VDAC1: variants seen among roughly 807,000 people sequenced by gnomAD.
VDAC1 encodes the protein voltage dependent anion channel 1.
Under a neutral mutation model 34.7 loss-of-function variants are expected in VDAC1, and 10 were observed. The ratio of observed to expected loss-of-function variants is 0.29; its 90% CI spans 0.18 to 0.49. The LOEUF (loss-of-function observed/expected upper bound fraction) is 0.49, where lower values mean the gene tolerates loss of function less well. Ranked by LOEUF, VDAC1 falls within the 20% of genes least tolerant of loss-of-function variation. The pLI, the probability that VDAC1 is intolerant of heterozygous loss-of-function variation, is 0.99. For synonymous variants in VDAC1, 130 were observed against 136.0 expected (o/e 0.96, Z 0.30); for missense variants, 230 against 347.9 (o/e 0.66, Z 2.69).
At chr5:134,049,131 C>A in the VDAC1 span, among the ~76,000 whole-genome samples, 7 of 152,186 alleles carry the variant, frequency 4.6e-5, no homozygotes, top group African/African-American at 1.7e-4. Context: ...ATGGGTAGCA[C>A]TGGGTTTCTA....
intron 1 of VDAC1, among the ~76,000 whole-genome samples, chr5:133,993,402 T>C (rs1753179273): frequency 6.6e-6 from 1 of 152,190 alleles, no homozygotes; most frequent in African/African-American, 2.4e-5. Context: ...ATAAAACATA[T>C]CATCTTACAA....
At chr5:133,982,676 G>C (rs1423415912) in intron 5 of VDAC1, among the ~76,000 whole-genome samples, 2 of 152,126 alleles carry the variant, frequency 1.3e-5, no homozygotes, top group Non-Finnish European at 1.5e-5. Flanking sequence ...GATCACCTGA[G>C]GTCAGGAGTT....
At chr5:134,061,673 C>T in the VDAC1 span, among the ~76,000 whole-genome samples, 3 of 151,594 alleles carry the variant, frequency 2.0e-5, no homozygotes, top group Non-Finnish European at 4.4e-5. Flanking sequence ...GCACACAGCC[C>T]CTGAATTTTT....
At chr5:134,020,060 G>A in the VDAC1 span, among the ~76,000 whole-genome samples, 2 of 151,884 alleles carry the variant, frequency 1.3e-5, no homozygotes, top group East Asian at 3.9e-4. Flanking sequence ...CTACTCTCTA[G>A]CCTTTCCTGC....
Position 133,980,709 on chromosome 5 carries a change from C to CCCCG in VDAC1, c.551+19_551+20insCGGG. 9.6e-7 allele frequency: 1 copy of CCCCG among 1,043,068 alleles called. No homozygotes were observed. Among genetic ancestry groups the CCCCG allele is most frequent in the Non-Finnish European group, 1.4e-6 (1 of 697,330 alleles). 64.6% of individuals were successfully genotyped at this position (1,043,068 alleles called of 1,614,324 possible). A position where few individuals can be genotyped will look rare whatever the true frequency, so the allele number is the denominator to read the frequency against. ...CTCCAACCCCACCCCTCCCACCCTGCTGCCCCCATGTACACTTACACATTA... is the reference window on the plus strand; with the variant it reads ...CTCCAACCCCACCCCTCCCACCCTGCCCCGTGCCCCCATGTACACTTACACATTA... On this transcript the variant is annotated intron_variant, in intron 6 of 8. Transcript: ENST00000265333.
upstream of VDAC1, among the ~76,000 whole-genome samples, chr5:134,005,902 G>T (rs116614428): frequency 8.6e-3 from 1,314 of 152,334 alleles, 19 homozygotes; most frequent in African/African-American, 0.03. Flanking sequence ...GAGGTGCCGG[G>T]TTACAGAATC....
chr5:134,066,098 T>G, the VDAC1 span, among the ~76,000 whole-genome samples: 1 of 151,976 alleles, frequency 6.6e-6, no homozygotes, highest in African/African-American at 2.4e-5. Flanking sequence ...TGGTCGATAG[T>G]AAATATTTTT....
chr5:134,052,639 T>C, the VDAC1 span, among the ~76,000 whole-genome samples: 2 of 152,182 alleles, frequency 1.3e-5, no homozygotes, highest in African/African-American at 4.8e-5. Context: ...TCTTTTGTTA[T>C]GGGTCCCTGC....
chr5:134,067,428 TAAAA>T, the VDAC1 span, among the ~76,000 whole-genome samples: 1 of 96,824 alleles, frequency 1.0e-5, no homozygotes, highest in Admixed American at 1.2e-4. Context: ...TTACATATTC[TAAAA>T]AAAAAAAAAA....
intron 1 of VDAC1, among the ~76,000 whole-genome samples, chr5:133,995,689 G>A (rs1364554455): frequency 2.0e-5 from 3 of 152,166 alleles, no homozygotes; most frequent in Non-Finnish European, 4.4e-5. Context: ...GAAGGCCCGA[G>A]ACAGCTCTGC....
chr5:134,058,180 GC>G, the VDAC1 span, among the ~76,000 whole-genome samples: 1 of 152,024 alleles, frequency 6.6e-6, no homozygotes, highest in Non-Finnish European at 1.5e-5. Flanking sequence ...GAGCCACCAC[GC>G]CCAGTTGCTT....
chr5:134,072,991 G>A, the VDAC1 span, among the ~76,000 whole-genome samples: 5 of 152,298 alleles, frequency 3.3e-5, no homozygotes, highest in East Asian at 1.9e-4. Flanking sequence ...GGGGTGAGTC[G>A]CTCACTGCAC....
At chr5:134,005,847 C>G (rs1484644253), upstream of VDAC1, among the ~76,000 whole-genome samples, 1 of 152,208 alleles carries the variant, frequency 6.6e-6, no homozygotes, top group African/African-American at 2.4e-5. Flanking sequence ...CGCCTTTGAT[C>G]AACAAACGTC....
At chr5:133,994,494 G>T (rs578189800) in intron 1 of VDAC1, among the ~76,000 whole-genome samples, 1 of 152,240 alleles carries the variant, frequency 6.6e-6, no homozygotes, top group Non-Finnish European at 1.5e-5. Flanking sequence ...AGAGAGATGA[G>T]GGGGGAAGAT....
chr5:134,004,165 C>T (rs1753667566), intron 1 of VDAC1, among the ~76,000 whole-genome samples: 1 of 152,156 alleles, frequency 6.6e-6, no homozygotes, highest in South Asian at 2.1e-4. Context: ...GGACTCGGGG[C>T]CACGGTCGTC....
chr5:134,055,613 T>TGTTTTTTG, the VDAC1 span, among the ~76,000 whole-genome samples: 1 of 97,364 alleles, frequency 1.0e-5, no homozygotes, highest in African/African-American at 3.4e-5. Context: ...TTTTTTTTTT[T>TGTTTTTTG]TTTTTTAGTA....
At chr5:134,110,478 A>G in the VDAC1 span, among the ~76,000 whole-genome samples, 1 of 152,224 alleles carries the variant, frequency 6.6e-6, no homozygotes, top group Non-Finnish European at 1.5e-5. Context: ...CTACATGCAC[A>G]CACATGGACA....
the VDAC1 span, among the ~76,000 whole-genome samples, chr5:134,027,453 T>A: frequency 6.6e-6 from 1 of 152,108 alleles, no homozygotes; most frequent in Non-Finnish European, 1.5e-5. Context: ...CTGCCTTCCT[T>A]CCAGCAGCTC....
At chr5:134,078,162 C>A in the VDAC1 span, among the ~76,000 whole-genome samples, 2 of 152,212 alleles carry the variant, frequency 1.3e-5, no homozygotes, top group South Asian at 4.1e-4. Context: ...CAGGGCTGGG[C>A]TGGGCTGGCC....
Sources: gnomAD v4.1 joint callset for allele counts (sites outside exome capture counted in the v4.1 genomes callset) on GRCh38, gnomAD v4.1.1 for gene constraint, MANE v1.5 for transcripts, NCBI Gene and HGNC (gene_info 2026-07-23, HGNC 2026-07-21) for gene names.